PCDH11X: variants seen among roughly 807,000 people sequenced by gnomAD.
The protein encoded by PCDH11X is protocadherin-11 X-linked.
PCDH11X carries 18 observed loss-of-function variants against 53.3 expected under a neutral mutation model. That is an observed-to-expected ratio of 0.34 (90% CI 0.23 to 0.50). The LOEUF (loss-of-function observed/expected upper bound fraction) is 0.50, where lower values mean the gene tolerates loss of function less well. Ranked by LOEUF, PCDH11X falls within the 20% of genes least tolerant of loss-of-function variation. PCDH11X has a pLI of 0.98. For synonymous variants in PCDH11X, 279 were observed against 393.3 expected (o/e 0.71, Z 3.44); for missense variants, 570 against 1,032.4 (o/e 0.55, Z 6.14).
At chrX:92,269,477 T>G (rs1219827838) in intron 8 of PCDH11X, among the ~76,000 whole-genome samples, 1 of 111,812 alleles carries the variant, frequency 8.9e-6, no homozygotes, top group African/African-American at 3.2e-5. Context: ...CCAAAGCTTT[T>G]CAACTATTTT....
At chrX:92,262,898 A>G in intron 7 of PCDH11X, 1 of 329,877 alleles carries the variant, frequency 3.0e-6, no homozygotes, top group Middle Eastern at 1.8e-3. Flanking sequence ...AAGATTTACA[A>G]TGCTGTTATA....
intron 6 of PCDH11X, among the ~76,000 whole-genome samples, chrX:92,014,014 A>G: frequency 8.9e-6 from 1 of 111,943 alleles, no homozygotes; most frequent in Non-Finnish European, 1.9e-5. Flanking sequence ...AATGGCAACA[A>G]AAGCCAAAAT....
intron 8 of PCDH11X, among the ~76,000 whole-genome samples, chrX:92,292,759 T>A (rs2068518139): frequency 8.9e-6 from 1 of 112,221 alleles, no homozygotes; most frequent in African/African-American, 3.2e-5. Flanking sequence ...ATGTTTTTAT[T>A]TTTTATTGGT....
At chrX:92,533,474 GA>G (rs1465936857) in intron 10 of PCDH11X, among the ~76,000 whole-genome samples, 10 of 97,005 alleles carry the variant, frequency 1.0e-4, no homozygotes, top group African/African-American at 4.0e-4. Flanking sequence ...TTTCTAGGTG[GA>G]GAAAACAGCT....
intron 6 of PCDH11X, among the ~76,000 whole-genome samples, chrX:91,922,262 C>A (rs1255542231): frequency 2.7e-5 from 3 of 111,967 alleles, no homozygotes; most frequent in Non-Finnish European, 3.8e-5. Flanking sequence ...ATTTTAAATT[C>A]TGTTTCTTTA....
At chrX:91,903,502 G>A (rs2524571) in intron 6 of PCDH11X, among the ~76,000 whole-genome samples, 4 of 110,878 alleles carry the variant, frequency 3.6e-5, no homozygotes, top group South Asian at 7.6e-4. Context: ...ATATCATATC[G>A]CTTGCAGTTT....
chrX:92,193,067 T>C (rs2066227949), intron 6 of PCDH11X, among the ~76,000 whole-genome samples: 1 of 111,984 alleles, frequency 8.9e-6, no homozygotes, highest in Admixed American at 9.5e-5. Context: ...AATTCATTTA[T>C]AGTTATGGGC....
At chrX:92,045,754 A>G (rs1488135278) in intron 6 of PCDH11X, among the ~76,000 whole-genome samples, 1 of 107,832 alleles carries the variant, frequency 9.3e-6, no homozygotes, top group African/African-American at 3.4e-5. Flanking sequence ...AGCCTGGCCA[A>G]CATGGTGAAA....
At chrX:92,508,224 T>C (rs746007261) in intron 10 of PCDH11X, among the ~76,000 whole-genome samples, 1 of 107,344 alleles carries the variant, frequency 9.3e-6, no homozygotes, top group South Asian at 4.0e-4. Context: ...TTTTTTTTTG[T>C]TGTTTTTTTT....
chrX:92,262,136 T>TA lies in PCDH11X; in HGVS notation c.3115-967dup, dbSNP rs367800596. ...CTTGGTCTGGGAATAAGCCACTGGA[T>TA]AAAAAAAAAAATGGAGAAAGCATGC... On this transcript the variant is annotated intron_variant, in intron 7 of 10. Transcript: ENST00000682573. 3.6e-3 allele frequency among the ~76,000 whole-genome samples: 378 copies of TA among 104,548 alleles called. 2 individuals carry two copies. The highest frequency in any genetic ancestry group is 0.015 in the Middle Eastern group (3 of 206). The allele number at this position is 104,548 out of a possible 115,157, so 90.8% of individuals were successfully genotyped here.
chrX:92,476,830 T>C (rs2073395317), intron 10 of PCDH11X, among the ~76,000 whole-genome samples: 1 of 47,209 alleles, frequency 2.1e-5, no homozygotes, highest in Non-Finnish European at 3.2e-5. Context: ...CTTGCAGGCT[T>C]GTATAGGTAC....
chrX:92,056,530 G>A (rs2759861), intron 6 of PCDH11X, among the ~76,000 whole-genome samples: 18 of 110,616 alleles, frequency 1.6e-4, no homozygotes, highest in African/African-American at 2.9e-4. Flanking sequence ...AAGCTCTTTC[G>A]TTTCCTTAGA....
At chrX:92,446,626 G>A (rs1237501948) in intron 9 of PCDH11X, among the ~76,000 whole-genome samples, 2 of 111,759 alleles carry the variant, frequency 1.8e-5, no homozygotes, top group East Asian at 2.8e-4. Flanking sequence ...ATGTGGAACT[G>A]TAAGTCCATT....
rs753928258 is a variant in PCDH11X at position 92,177,908 on chromosome X, T to C, written c.3034-23467T>C. ...ACACACACAAACACAATTTGGAAAA[T>C]GTTCTATATTTGGTAGTACAGAAGA... On this transcript the variant is annotated intron_variant, in intron 6 of 10. Coordinates refer to ENST00000682573, the MANE Select transcript of PCDH11X (RefSeq NM_032968.5). 2.3e-4 allele frequency among the ~76,000 whole-genome samples: 25 copies of C among 110,621 alleles called. 1 individual carries two copies. The highest frequency in any genetic ancestry group is 2.1e-3 in the Admixed American group (22 of 10,238).
At chrX:92,186,460 C>T in intron 6 of PCDH11X, among the ~76,000 whole-genome samples, 1 of 110,639 alleles carries the variant, frequency 9.0e-6, no homozygotes, top group Middle Eastern at 4.7e-3. Flanking sequence ...AGAAACCCGT[C>T]TCTACTAAAA....
intron 9 of PCDH11X, among the ~76,000 whole-genome samples, chrX:92,445,265 C>T (rs1318495000): frequency 2.6e-5 from 2 of 77,552 alleles, no homozygotes; most frequent in East Asian, 9.6e-4. Flanking sequence ...CTTGATGTTC[C>T]TCTCTTTAGG....
At chrX:91,907,424 G>C (rs1941221680) in intron 6 of PCDH11X, among the ~76,000 whole-genome samples, 1 of 96,872 alleles carries the variant, frequency 1.0e-5, no homozygotes, top group Middle Eastern at 5.3e-3. Flanking sequence ...GAGAGAGAGA[G>C]AGAGAGAGAG....
chrX:91,887,206 G>A (rs1277613073), intron 6 of PCDH11X, among the ~76,000 whole-genome samples: 2 of 109,960 alleles, frequency 1.8e-5, no homozygotes, highest in African/African-American at 6.6e-5. Context: ...AAGCACTACA[G>A]GACAAGCAGA....
intron 6 of PCDH11X, among the ~76,000 whole-genome samples, chrX:92,153,014 G>A (rs1335439802): frequency 9.4e-6 from 1 of 106,101 alleles, no homozygotes; most frequent in South Asian, 4.2e-4. Flanking sequence ...TTGAACTCCC[G>A]ACCTCAGGTG....
Sources: gnomAD v4.1 joint callset for allele counts (sites outside exome capture counted in the v4.1 genomes callset) on GRCh38, gnomAD v4.1.1 for gene constraint, MANE v1.5 for transcripts, NCBI Gene and HGNC (gene_info 2026-07-23, HGNC 2026-07-21) for gene names.